Variants in LRRN4 observed in about 807,000 individuals in gnomAD.
The protein encoded by LRRN4 is leucine-rich repeat neuronal protein 4.
LRRN4 carries 26 observed loss-of-function variants against 22.3 expected under a neutral mutation model. The observed-to-expected ratio is 1.16, with a 90% CI of 0.85 to 1.62. The LOEUF is 1.62. Ranked by LOEUF, LRRN4 falls within the 40% of genes most tolerant of loss-of-function variation. The pLI is 0.00. For missense variants in LRRN4, 1,070 were observed against 1,008.5 expected (o/e 1.06, Z -0.83); for synonymous variants, 496 against 486.2 (o/e 1.02, Z -0.26).
Position 6,052,362 on chromosome 20 carries a change from G to A in LRRN4, c.438C>T (p.Ser146=). The A allele has an allele frequency of 6.6e-7, 1 of 1,514,304 alleles. No homozygotes were observed. 93.8% of individuals were successfully genotyped at this position (1,514,304 alleles called of 1,614,324 possible). A position where few individuals can be genotyped will look rare whatever the true frequency, so the allele number is the denominator to read the frequency against. Residue 146 remains serine (S), a synonymous_variant, in exon 2 of 5, where the codon AGC becomes AGT. Coordinates refer to ENST00000378858, the MANE Select transcript of LRRN4 (RefSeq NM_152611.5). Reference sequence around the variant, plus strand: ...CGGCGAGCGCCAGGGCGCGGAGGCTGCTCAGCGCGGGCCCGGTGCACGGCG... The same window carrying A: ...CGGCGAGCGCCAGGGCGCGGAGGCTACTCAGCGCGGGCCCGGTGCACGGCG... ...ALPPCTGPAL[S]SLRALALAGN...
intron 2 of LRRN4, 109 bp downstream of exon 2, chr20:6,052,036 G>C: frequency 7.4e-7 from 1 of 1,348,568 alleles, no homozygotes; most frequent in Non-Finnish European, 9.9e-7. Flanking sequence ...CCTACGAGCT[G>C]GGCACCCGGG....
At position 6,052,404 on chromosome 20, in the gene LRRN4, G is replaced by T. The variant is rs776192950; in HGVS notation, c.396C>A (p.Asn132Lys). ...AGLHTLDLSY[N>K]QLAALPPCTG... ...TGCACGGCGGCAGAGCGGCCAGCTG[G>T]TTGTAGCTGAGGTCCAGGGTGTGCA... The change falls in exon 2 of 5, where the codon AAC becomes AAA. Residue 132 changes from asparagine to lysine, a missense_variant. Physicochemically the swap from Asn to Lys is moderately conservative, Grantham distance 94. Coordinates refer to ENST00000378858, the MANE Select transcript of LRRN4 (RefSeq NM_152611.5). 4.6e-6 allele frequency: 7 copies of T among 1,535,628 alleles called. No homozygotes were observed. Among genetic ancestry groups the T allele is most frequent in the Non-Finnish European group, 6.1e-6 (7 of 1,150,696 alleles).
In LRRN4 at chr20:6,042,648, C is replaced by T. The variant is rs142194264; in HGVS notation, c.999-402G>A. 4.9e-4 allele frequency among the ~76,000 whole-genome samples: 75 copies of T among 152,272 alleles called. 1 individual carries two copies. The East Asian group carries it at 9.9e-3, about 20-fold the overall frequency. ...AATAAAAATCATACTCGGGCCGGTG[C>T]GATGGCTCAAGCCTGTAATCTCAGC... On this transcript the variant is annotated intron_variant, in intron 4 of 4. Transcript: ENST00000378858.
chr20:6,052,272 G>T lies in LRRN4; in HGVS notation c.528C>A (p.Asn176Lys). ...CGCGACCCAGCGCGGTGCAGGAGAG[G>T]TTGAGGAGCTGCAGCGCGGGGAAGC... Reference protein sequence around the residue: ...FACFPALQLLNLSCTALGRGA... With the variant: ...FACFPALQLLKLSCTALGRGA... The change falls in exon 2 of 5, where the codon AAC becomes AAA. Residue 176 changes from asparagine to lysine, a missense_variant. Transcript: ENST00000378858. 1 of 1,547,074 alleles carries T rather than the reference G, an allele frequency of 6.5e-7. No homozygotes were observed. Among genetic ancestry groups the T allele is most frequent in the Non-Finnish European group, 8.7e-7 (1 of 1,147,816 alleles).
At position 6,041,185 on chromosome 20, in the gene LRRN4, A is replaced by G; in HGVS notation, c.2060T>C (p.Leu687Pro). ...KPSFALLLSG[L>P]CAASGLLLAS... ...GAGCAACAGGCCGCTGGCGGCGCAC[A>G]GCCCAGAGAGCAGGAGCGCGAAGCT... is the stretch of plus-strand genomic sequence containing the variant. The change falls in exon 5 of 5, where the codon CTG (leucine) becomes CCG (proline). Residue 687 changes from leucine (L) to proline (P), a missense_variant. Transcript: ENST00000378858. The surrounding 1 kb of genome is among the most constrained non-coding windows in gnomAD (Gnocchi z 9.4). 6.3e-7 allele frequency: 1 copy of G among 1,595,496 alleles called. No individual in the cohort carries two copies. Among genetic ancestry groups the G allele is most frequent in the Non-Finnish European group, 8.5e-7 (1 of 1,170,002 alleles).
At chr20:6,050,664 G>A (rs1055022246) in intron 3 of LRRN4, 115 bp downstream of exon 3, 8 of 1,043,306 alleles carry the variant, frequency 7.7e-6, no homozygotes, top group African/African-American at 6.4e-5. Flanking sequence ...GCCCCAGAGA[G>A]GATTTGGAAG....
Position 6,041,666 on chromosome 20 carries a change from AGTC to A in LRRN4, c.1576_1578del (p.Asp526del). 1 of 1,611,504 alleles carries A rather than the reference AGTC, an allele frequency of 6.2e-7. No homozygotes were observed. Among genetic ancestry groups the A allele is most frequent in the Non-Finnish European group, 8.5e-7 (1 of 1,178,576 alleles). On this transcript the variant is annotated inframe_deletion, in exon 5 of 5. Transcript: ENST00000378858. The surrounding 1 kb of genome is among the most constrained non-coding windows in gnomAD (Gnocchi z 9.4). ...TTCCTCCCTTCCTCCTCCTCACTGT[AGTC>A]GTCCAGCAGCAAGACTGGAATCTCG...
At chr20:6,051,274 G>T (rs1981238796) in intron 2 of LRRN4, among the ~76,000 whole-genome samples, 2 of 152,216 alleles carry the variant, frequency 1.3e-5, no homozygotes, top group Admixed American at 1.3e-4. Context: ...CTTGAACCCA[G>T]GACACTGTCT....
intron 2 of LRRN4, among the ~76,000 whole-genome samples, chr20:6,051,807 C>T (rs2123059407): frequency 6.6e-6 from 1 of 152,336 alleles, no homozygotes; most frequent in South Asian, 2.1e-4. Flanking sequence ...GGAAGCAGAA[C>T]AGAGTGGTTA....
rs752760215 is a variant in LRRN4 at position 6,052,552 on chromosome 20, C to T, written c.248G>A (p.Ser83Asn). ...GCTCAGGGCGCGCAGCAGGTTGTGG[C>T]TGGCGTCGAGGCTGCGCAGTGTGCG... ...LPRTLRSLDA[S>N]HNLLRALSTS... The change falls in exon 2 of 5, where the codon AGC becomes AAC. Residue 83 changes from serine (S) to asparagine (N), a missense_variant. Transcript: ENST00000378858. The T allele has an allele frequency of 6.3e-7, 1 of 1,582,396 alleles. No individual in the cohort carries two copies. Among genetic ancestry groups the T allele is most frequent in the South Asian group, 1.1e-5 (1 of 88,482 alleles).
intron 4 of LRRN4, among the ~76,000 whole-genome samples, chr20:6,044,048 G>A (rs1258040925): frequency 6.6e-6 from 1 of 152,198 alleles, no homozygotes; most frequent in Non-Finnish European, 1.5e-5. Flanking sequence ...ACTGTCTCCT[G>A]GTGGCCAGCC....
chr20:6,051,456 C>T (rs942540130), intron 2 of LRRN4, among the ~76,000 whole-genome samples: 7 of 152,196 alleles, frequency 4.6e-5, no homozygotes, highest in Non-Finnish European at 7.3e-5. Flanking sequence ...CGTGCCCCTT[C>T]CCCTCGGTAT....
At position 6,041,699 on chromosome 20, in the gene LRRN4, C is replaced by T. The variant is rs772650736; in HGVS notation, c.1546G>A (p.Glu516Lys). The T allele has an allele frequency of 3.7e-6, 6 of 1,613,108 alleles. No homozygotes were observed. In the African/African-American group the frequency reaches 5.3e-5, roughly 14 times the overall value. Residue 516 changes from glutamate to lysine, a missense_variant, in exon 5 of 5, where the codon GAG (glutamate) becomes AAG (lysine). Glu to Lys is a moderately conservative substitution (Grantham distance 56, BLOSUM62 1). Coordinates refer to ENST00000378858, the MANE Select transcript of LRRN4 (RefSeq NM_152611.5). This position sits in a 1 kb window ranked among gnomAD's most constrained non-coding sequence, Gnocchi z 9.4. ...TPQAPNPSLS[E>K]GEIPVLLLDD... Reference sequence around the variant, plus strand: ...AGCAGCAAGACTGGAATCTCGCCCTCGGAAAGACTCGGGTTGGGGGCTTGG... The same window carrying T: ...AGCAGCAAGACTGGAATCTCGCCCTTGGAAAGACTCGGGTTGGGGGCTTGG...
At position 6,041,408 on chromosome 20, in the gene LRRN4, G is replaced by T; in HGVS notation, c.1837C>A (p.Arg613Ser). 1.3e-6 allele frequency: 2 copies of T among 1,567,160 alleles called. No homozygotes were observed. Among genetic ancestry groups the T allele is most frequent in the Middle Eastern group, 3.4e-4 (2 of 5,850 alleles). ...CCCGCCCAGCCCTCCGCAGAGTAGCGGATCTGGTACCCATGCACTACCGAG... is the reference window on the plus strand; with the variant it reads ...CCCGCCCAGCCCTCCGCAGAGTAGCTGATCTGGTACCCATGCACTACCGAG... ...PNSVVHGYQI[R>S]YSAEGWAGNQ... The change falls in exon 5 of 5, where the codon CGC (arginine) becomes AGC (serine). Residue 613 changes from arginine to serine, a missense_variant. Coordinates refer to ENST00000378858, the MANE Select transcript of LRRN4 (RefSeq NM_152611.5). This position sits in a 1 kb window ranked among gnomAD's most constrained non-coding sequence, Gnocchi z 9.4.
chr20:6,047,009 A>G (rs960060925), intron 3 of LRRN4, among the ~76,000 whole-genome samples: 13 of 152,052 alleles, frequency 8.5e-5, no homozygotes, highest in Non-Finnish European at 1.5e-5. Flanking sequence ...CTTTCCTTAC[A>G]TTGTCTCATT....
In LRRN4 at chr20:6,050,897, TGTCCCCCTCCAGG is replaced by T; in HGVS notation, c.729_741del (p.Leu244PhefsTer4). The T allele has an allele frequency of 6.2e-7, 1 of 1,614,066 alleles. No individual in the cohort carries two copies. Among genetic ancestry groups the T allele is most frequent in the South Asian group, 1.1e-5 (1 of 91,070 alleles). Reference sequence around the variant, plus strand: ...TGCAGGTTGGGGGTCATCTTGAAAATGTCCCCCTCCAGGGTCGTCAGCCGAGGCATCTTCCTCA... The same window carrying T: ...TGCAGGTTGGGGGTCATCTTGAAAATGTCGTCAGCCGAGGCATCTTCCTCA... On this transcript the variant is annotated frameshift_variant, in exon 3 of 5. Transcript: ENST00000378858. LOFTEE classifies it high-confidence loss of function.
chr20:6,053,456 G>A (rs1303667167), intron 1 of LRRN4, among the ~76,000 whole-genome samples: 4 of 152,164 alleles, frequency 2.6e-5, no homozygotes, highest in African/African-American at 9.7e-5. Flanking sequence ...TCCAACAAAA[G>A]CCAGAGCCCC....
Position 6,041,340 on chromosome 20 carries a change from C to T in LRRN4, c.1905G>A (p.Gln635=). ...CCGGCGACAGCCCGTACAGAGGGTG[C>T]TGCCGGGCCGTGGCGTAGATGACCC... ...VVGVIYATAR[Q]HPLYGLSPGT... Residue 635 remains glutamine, a synonymous_variant, in exon 5 of 5, where the codon CAG becomes CAA. Coordinates refer to ENST00000378858, the MANE Select transcript of LRRN4 (RefSeq NM_152611.5). The surrounding 1 kb of genome is among the most constrained non-coding windows in gnomAD (Gnocchi z 9.4). 6.3e-7 allele frequency: 1 copy of T among 1,597,454 alleles called. No homozygotes were observed. Among genetic ancestry groups the T allele is most frequent in the Non-Finnish European group, 8.5e-7 (1 of 1,175,424 alleles).
chr20:6,052,605 G>C lies in LRRN4; in HGVS notation c.195C>G (p.Asn65Lys), dbSNP rs750181572. 1.3e-6 allele frequency: 2 copies of C among 1,588,004 alleles called. No homozygotes were observed. The highest frequency in any genetic ancestry group is 2.2e-5 in the South Asian group (2 of 89,090). Residue 65 changes from asparagine (N) to lysine (K), a missense_variant, in exon 2 of 5, where the codon AAC (asparagine) becomes AAG (lysine). Transcript: ENST00000378858. Reference sequence around the variant, plus strand: ...GTAGGCAGCCGGGCAGGCGCTCCAGGTTGCGGTTCGCCAGGGTCAAGGCCG... The same window carrying C: ...GTAGGCAGCCGGGCAGGCGCTCCAGCTTGCGGTTCGCCAGGGTCAAGGCCG... ...DATALTLANR[N>K]LERLPGCLPR...
Sources: gnomAD v4.1 joint callset for allele counts (sites outside exome capture counted in the v4.1 genomes callset) on GRCh38, gnomAD v4.1.1 for gene constraint, Gnocchi (gnomAD v3.1) non-coding constraint, MANE v1.5 for transcripts, NCBI Gene and HGNC (gene_info 2026-07-23, HGNC 2026-07-21) for gene names.